Variants in ZNF365 observed in about 807,000 individuals in gnomAD.
The protein encoded by ZNF365 is zinc finger protein 365, also known as protein ZNF365.
A neutral mutation model predicts 35.0 loss-of-function variants in ZNF365; 22 were observed. The ratio of observed to expected loss-of-function variants is 0.63; its 90% confidence interval spans 0.45 to 0.90. The LOEUF (loss-of-function observed/expected upper bound fraction) is 0.90. Ranked by LOEUF, ZNF365 falls within the 40% of genes least tolerant of loss-of-function variation. The pLI is 0.00. For missense variants in ZNF365, 448 were observed against 500.3 expected (o/e 0.90, Z 1.00); for synonymous variants, 188 against 196.2 (o/e 0.96, Z 0.35).
At chr10:62,428,924 G>T (rs559062075) in intron 3 of ZNF365, among the ~76,000 whole-genome samples, 11 of 152,290 alleles carry the variant, frequency 7.2e-5, no homozygotes, top group Admixed American at 6.5e-4. Flanking sequence ...CTTTTCTTGG[G>T]ATAAATGCTT....
intron 4 of ZNF365, among the ~76,000 whole-genome samples, chr10:62,478,595 A>G (rs189505355): frequency 7.2e-5 from 11 of 152,262 alleles, no homozygotes; most frequent in Admixed American, 3.3e-4. Flanking sequence ...TTTTTTTGAG[A>G]CGGAGTCTCG....
At chr10:62,378,386 C>T (rs1225648112) in intron 2 of ZNF365, among the ~76,000 whole-genome samples, 6 of 152,128 alleles carry the variant, frequency 3.9e-5, no homozygotes, top group Middle Eastern at 3.2e-3. Flanking sequence ...ATTAATTACA[C>T]GAGTAATAAT....
chr10:62,414,558 G>T (rs1181155554), intron 3 of ZNF365, among the ~76,000 whole-genome samples: 1 of 151,990 alleles, frequency 6.6e-6, no homozygotes, highest in Admixed American at 6.6e-5. Flanking sequence ...GAAATACTCT[G>T]CCAATTGTAC....
At chr10:62,460,046 A>C (rs1306258031) in intron 4 of ZNF365, among the ~76,000 whole-genome samples, 1 of 152,212 alleles carries the variant, frequency 6.6e-6, no homozygotes, top group Non-Finnish European at 1.5e-5. Flanking sequence ...TTAACTGAAT[A>C]GTACCAGATT....
chr10:62,377,873 A>G (rs1210565594), intron 2 of ZNF365, among the ~76,000 whole-genome samples: 1 of 152,242 alleles, frequency 6.6e-6, no homozygotes, highest in Non-Finnish European at 1.5e-5. Flanking sequence ...GAGTTCTATT[A>G]TAGAGATTGA....
At chr10:62,389,281 G>T (rs1257451428) in intron 3 of ZNF365, among the ~76,000 whole-genome samples, 4 of 150,248 alleles carry the variant, frequency 2.7e-5, no homozygotes, top group Non-Finnish European at 4.4e-5. Context: ...TCGATGGGGG[G>T]CGGGGGTGGG....
intron 4 of ZNF365, among the ~76,000 whole-genome samples, chr10:62,472,703 C>G (rs887192283): frequency 1.3e-5 from 2 of 152,170 alleles, no homozygotes; most frequent in African/African-American, 4.8e-5. Flanking sequence ...GTGTATGGTG[C>G]TTTGTGATGA....
At position 62,449,219 on chromosome 10, in the gene ZNF365, A is replaced by G. The variant is rs182774471; in HGVS notation, c.925-10522A>G. Among the ~76,000 whole-genome samples, 23 of 152,296 alleles carry G rather than the reference A, an allele frequency of 1.5e-4. No homozygotes were observed. In the East Asian group the frequency reaches 4.0e-3, roughly 27 times the overall value. Reference sequence around the variant, plus strand: ...GTGTTATTTTGGTATTGTATGGCCAATATTGATTTCCTTTTCTCTCTTTGT... The same window carrying G: ...GTGTTATTTTGGTATTGTATGGCCAGTATTGATTTCCTTTTCTCTCTTTGT... On this transcript the variant is annotated intron_variant, in intron 3 of 4. Transcript: ENST00000395255.
chr10:62,399,549 G>A lies in ZNF365; in HGVS notation c.984G>A (p.Ser328=), dbSNP rs769026084. The part of the protein sequence containing the change: ...PKCLSRGHPH[S]VCNHPDLKAH... The stretch of plus-strand genomic sequence containing the variant: ...GTAGAAGCCGAGGGCACCCGCATTC[G>A]GTATGTAACCACCCTGATCTCAAGG... Residue 328 remains serine, a synonymous_variant, in exon 5 of 5, where the codon TCG becomes TCA. Transcript: ENST00000395254. The A allele has an allele frequency of 2.7e-5, 44 of 1,613,806 alleles. No individual in the cohort carries two copies. Among genetic ancestry groups the A allele is most frequent in the Non-Finnish European group, 3.5e-5 (41 of 1,179,978 alleles).
At position 62,401,701 on chromosome 10, in the gene ZNF365, A is replaced by G; in HGVS notation, c.*1912A>G. 2.0e-6 allele frequency: 2 copies of G among 985,578 alleles called. No homozygotes were observed. The highest frequency in any genetic ancestry group is 4.7e-5 in the South Asian group (1 of 21,282). The allele number at this position is 985,578 out of a possible 1,614,324, so 61.1% of individuals were successfully genotyped here. A position where few individuals can be genotyped will look rare whatever the true frequency, so the allele number is the denominator to read the frequency against. Reference sequence around the variant, plus strand: ...TTACATACTAAAAACATGACTTGTTAGTTGTATTGCATGCTCTTTGTCCTG... The same window carrying G: ...TTACATACTAAAAACATGACTTGTTGGTTGTATTGCATGCTCTTTGTCCTG... On this transcript the variant is annotated 3_prime_UTR_variant, in exon 5 of 5. Transcript: ENST00000395254.
At position 62,376,371 on chromosome 10, in the gene ZNF365, A is replaced by C; in HGVS notation, c.178A>C (p.Thr60Pro). Residue 60 changes from threonine to proline, a missense_variant, in exon 2 of 5, where the codon ACA becomes CCA. Coordinates refer to ENST00000395254, the MANE Select transcript of ZNF365 (RefSeq NM_014951.3). Reference protein sequence around the residue: ...SHSYEERTLLTKCSLFPSLKD... With the variant: ...SHSYEERTLLPKCSLFPSLKD... ...CAGCTACGAAGAAAGAACCCTCTTG[A>C]CAAAATGCAGTCTCTTTCCATCCCT... 6.2e-7 allele frequency: 1 copy of C among 1,614,102 alleles called. No homozygotes were observed. The highest frequency in any genetic ancestry group is 1.6e-4 in the Middle Eastern group (1 of 6,062).
At chr10:62,462,038 T>A (rs1214357870) in intron 4 of ZNF365, among the ~76,000 whole-genome samples, 2 of 152,196 alleles carry the variant, frequency 1.3e-5, no homozygotes, top group Non-Finnish European at 2.9e-5. Flanking sequence ...TTGTTGTTCC[T>A]TCCTTTGGTT....
chr10:62,385,268 G>C (rs1370558633), intron 2 of ZNF365, among the ~76,000 whole-genome samples: 1 of 152,142 alleles, frequency 6.6e-6, no homozygotes, highest in African/African-American at 2.4e-5. Context: ...TAACTTCTCA[G>C]CTTCAGGGCA....
At chr10:62,470,324 G>A (rs1240916467) in intron 4 of ZNF365, among the ~76,000 whole-genome samples, 1 of 152,220 alleles carries the variant, frequency 6.6e-6, no homozygotes, top group African/African-American at 2.4e-5. Context: ...TTGAGGGCGA[G>A]GAATCCTTAA....
At chr10:62,382,204 T>G (rs3781214) in intron 2 of ZNF365, among the ~76,000 whole-genome samples, 47,294 of 152,112 alleles carry the variant, frequency 0.31, 7,652 homozygotes, top group Middle Eastern at 0.39. Context: ...TCTTGCTATT[T>G]AATTCATTCC....
chr10:62,417,670 T>C (rs1253704796), intron 3 of ZNF365, among the ~76,000 whole-genome samples: 1 of 151,996 alleles, frequency 6.6e-6, no homozygotes, highest in African/African-American at 2.4e-5. Flanking sequence ...CCTGTCTTTT[T>C]TTTTTTAATA....
intron 3 of ZNF365, among the ~76,000 whole-genome samples, chr10:62,415,769 C>T (rs572921081): frequency 1.3e-5 from 2 of 152,242 alleles, no homozygotes; most frequent in African/African-American, 4.8e-5. Flanking sequence ...CTCAAGACCA[C>T]ATACTTTGCT....
In ZNF365 at chr10:62,457,980, T is replaced by A. The variant is rs569984633; in HGVS notation, c.925-1761T>A. On this transcript the variant is annotated intron_variant, in intron 3 of 4. Coordinates refer to the ZNF365 transcript ENST00000395255. ...CAAATACCATACAACAAGCCTTAGC[T>A]CTCCCAGGGAGACATCTTATTTTCT... 7.2e-3 allele frequency among the ~76,000 whole-genome samples: 1,099 copies of A among 152,272 alleles called. 10 individuals carry two copies. The highest frequency in any genetic ancestry group is 0.011 in the Non-Finnish European group (767 of 68,028).
chr10:62,387,692 T>C (rs1243218189), intron 2 of ZNF365, among the ~76,000 whole-genome samples: 1 of 152,214 alleles, frequency 6.6e-6, no homozygotes, highest in Non-Finnish European at 1.5e-5. Context: ...TCGTGGTAGC[T>C]GTATGGGCTG....
Sources: allele counts gnomAD v4.1 joint callset (sites outside exome capture counted in the v4.1 genomes callset), GRCh38; gene constraint gnomAD v4.1.1; transcripts MANE v1.5; gene names NCBI Gene and HGNC (gene_info 2026-07-23, HGNC 2026-07-21).